Variants in BCL9 observed in about 807,000 individuals in gnomAD.
BCL9 encodes the protein B-cell CLL/lymphoma 9 protein.
BCL9 carries 25 observed loss-of-function variants against 88.5 expected under a neutral mutation model. The observed-to-expected ratio is 0.28, with a 90% CI of 0.21 to 0.39. BCL9 has a LOEUF of 0.39. Ranked by LOEUF, BCL9 falls within the 10% of genes least tolerant of loss-of-function variation. The pLI is 1.00. For synonymous variants in BCL9, 711 were observed against 673.3 expected, an observed-to-expected ratio of 1.06 and a Z score of -0.87; for missense variants, 1,817 against 1,877.8, an observed-to-expected ratio of 0.97 and a Z score of 0.60.
Position 147,624,401 on chromosome 1 carries a change from A to C in BCL9, c.3723A>C (p.Pro1241=). ...AGTTTGATCTATCCCGCATTATTCC[A>C]TCTGAGAAGCCCAGCCAGACGCTGC... ...IPEFDLSRII[P]SEKPSQTLQY... Residue 1241 remains proline (P), a synonymous_variant, in exon 10 of 10, where the codon CCA becomes CCC. Transcript: ENST00000234739. This position sits in a 1 kb window ranked among gnomAD's most constrained non-coding sequence, Gnocchi z 4.4. The C allele has an allele frequency of 6.2e-7, 1 of 1,614,180 alleles. No individual in the cohort carries two copies. The highest frequency in any genetic ancestry group is 8.5e-7 in the Non-Finnish European group (1 of 1,180,020).
chr1:147,586,448 C>G (rs950422057), intron 1 of BCL9, among the ~76,000 whole-genome samples: 6 of 152,156 alleles, frequency 3.9e-5, no homozygotes, highest in Non-Finnish European at 5.9e-5. Flanking sequence ...TTCTCAGGAG[C>G]CTTCCCATTT....
chr1:147,543,555 T>G (rs1553194001), intron 1 of BCL9, among the ~76,000 whole-genome samples: 2 of 152,254 alleles, frequency 1.3e-5, no homozygotes, highest in African/African-American at 4.8e-5. Flanking sequence ...CTGTATTTTA[T>G]GCATATATAT....
intron 1 of BCL9, among the ~76,000 whole-genome samples, chr1:147,587,637 TTAAC>T (rs1336517158): frequency 6.6e-6 from 1 of 152,112 alleles, no homozygotes; most frequent in Non-Finnish European, 1.5e-5. Flanking sequence ...ATTTAAGGGG[TTAAC>T]TAATAACACT....
chr1:147,600,439 A>G (rs1657325982), intron 1 of BCL9: 1 of 139,508 alleles, frequency 7.2e-6, no homozygotes, highest in African/African-American at 2.7e-5. Context: ...GGGCAGGGGT[A>G]GCCACAGCCG....
At chr1:147,566,450 C>T (rs11583944) in intron 1 of BCL9, among the ~76,000 whole-genome samples, 33,919 of 152,042 alleles carry the variant, frequency 0.22, 3,863 homozygotes, top group Middle Eastern at 0.31. Flanking sequence ...TGGAAGGAGA[C>T]TATGAAAGTC....
rs150893023 is a variant in BCL9 at position 147,556,953 on chromosome 1, C to T, written c.-478+15279C>T. Among the ~76,000 whole-genome samples the T allele has an allele frequency of 2.9e-3, 445 of 152,274 alleles. 1 individual carries two copies. Among genetic ancestry groups the T allele is most frequent in the Non-Finnish European group, 4.5e-3 (308 of 68,032 alleles). On this transcript the variant is annotated intron_variant, in intron 1 of 9. Coordinates refer to ENST00000234739, the MANE Select transcript of BCL9 (RefSeq NM_004326.4). ...TGGGCCCTCAGTGACCATTGACTGA[C>T]TAGCTAACTGACCATACCAACAAAA...
chr1:147,563,865 A>C (rs1158238188), intron 1 of BCL9, among the ~76,000 whole-genome samples: 3 of 152,222 alleles, frequency 2.0e-5, no homozygotes, highest in African/African-American at 7.2e-5. Context: ...CATTTAATCC[A>C]CTTCATAATC....
At chr1:147,552,731 C>T (rs1553194961) in intron 1 of BCL9, among the ~76,000 whole-genome samples, 1 of 152,204 alleles carries the variant, frequency 6.6e-6, no homozygotes, top group Non-Finnish European at 1.5e-5. Flanking sequence ...TTGGCATTTT[C>T]CTAGTCTGTA....
chr1:147,570,653 TAG>T (rs1655845081), intron 1 of BCL9, among the ~76,000 whole-genome samples: 4 of 51,238 alleles, frequency 7.8e-5, no homozygotes, highest in African/African-American at 2.0e-4. Flanking sequence ...TTTTTTTTTG[TAG>T]ATGGAGTTTT....
chr1:147,603,881 T>G (rs1221403541), intron 1 of BCL9, among the ~76,000 whole-genome samples: 1 of 152,142 alleles, frequency 6.6e-6, no homozygotes. Context: ...GACCCCCTTC[T>G]GAGAACGTTT....
At chr1:147,554,158 G>C (rs1208389386) in intron 1 of BCL9, among the ~76,000 whole-genome samples, 2 of 152,204 alleles carry the variant, frequency 1.3e-5, no homozygotes, top group Admixed American at 1.3e-4. Flanking sequence ...ATTTGCCATT[G>C]ACTATTTCTG....
chr1:147,558,768 A>C (rs1553195727), intron 1 of BCL9, among the ~76,000 whole-genome samples: 2 of 152,200 alleles, frequency 1.3e-5, no homozygotes, highest in African/African-American at 4.8e-5. Context: ...TACTATACTG[A>C]ATGCACTTCA....
chr1:147,552,626 C>G (rs189042589), intron 1 of BCL9, among the ~76,000 whole-genome samples: 6 of 152,238 alleles, frequency 3.9e-5, no homozygotes, highest in Non-Finnish European at 8.8e-5. Flanking sequence ...AACAAACAAA[C>G]AAACGAAAAG....
At position 147,620,138 on chromosome 1, in the gene BCL9, G is replaced by A. The variant is rs1427079836; in HGVS notation, c.1983G>A (p.Met661Ile). Residue 661 changes from methionine to isoleucine, a missense_variant, in exon 8 of 10, where the codon ATG (methionine) becomes ATA (isoleucine). This residue lies in a region of BCL9 where 1,228 missense variants were observed against 1,191.6 expected (regional missense o/e 1.03). Coordinates refer to ENST00000234739, the MANE Select transcript of BCL9 (RefSeq NM_004326.4). Reference sequence around the variant, plus strand: ...GGCCCAGCATGGAGATGAACAGGATGATTCCAGGCTCCCAGCGCCACATGG... The same window carrying A: ...GGCCCAGCATGGAGATGAACAGGATAATTCCAGGCTCCCAGCGCCACATGG... Reference protein sequence around the residue: ...GIRPSMEMNRMIPGSQRHMEP... With the variant: ...GIRPSMEMNRIIPGSQRHMEP... 10 of 1,614,074 alleles carry A rather than the reference G, an allele frequency of 6.2e-6. No individual in the cohort carries two copies. The highest frequency in any genetic ancestry group is 8.5e-6 in the Non-Finnish European group (10 of 1,180,038).
intron 1 of BCL9, among the ~76,000 whole-genome samples, chr1:147,582,052 T>C (rs1351464713): frequency 6.6e-6 from 1 of 152,248 alleles, no homozygotes; most frequent in Non-Finnish European, 1.5e-5. Context: ...TTTTATTGCA[T>C]TTTCTTCCAT....
intron 6 of BCL9, among the ~76,000 whole-genome samples, chr1:147,614,844 CT>C (rs782119688): frequency 7.0e-5 from 10 of 142,188 alleles, no homozygotes; most frequent in Non-Finnish European, 1.1e-4. Context: ...ATCTCTTTTT[CT>C]TTTTTTTTTT....
chr1:147,550,303 C>T (rs587615712), intron 1 of BCL9, among the ~76,000 whole-genome samples: 3 of 152,120 alleles, frequency 2.0e-5, no homozygotes, highest in Admixed American at 2.0e-4. Flanking sequence ...TTCCCTTCCA[C>T]GTAACTGGCA....
intron 1 of BCL9, among the ~76,000 whole-genome samples, chr1:147,582,816 C>A (rs912228568): frequency 6.6e-6 from 1 of 152,162 alleles, no homozygotes; most frequent in African/African-American, 2.4e-5. Flanking sequence ...CCTGCAAATC[C>A]AAAAATATTT....
chr1:147,622,140 C>T, intron 8 of BCL9, 131 bp from the exon 9 acceptor site: 1 of 1,271,040 alleles, frequency 7.9e-7, no homozygotes, highest in Non-Finnish European at 1.1e-6. Context: ...TGATTTGTGT[C>T]TGGGATCTAA....
Sources: gnomAD v4.1 joint callset for allele counts (sites outside exome capture counted in the v4.1 genomes callset) on GRCh38, gnomAD v4.1.1 for gene constraint, gnomAD v4.1.1 regional missense constraint, Gnocchi (gnomAD v3.1) non-coding constraint, MANE v1.5 for transcripts, NCBI Gene and HGNC (gene_info 2026-07-23, HGNC 2026-07-21) for gene names.